The following CHST9 variants were observed in gnomAD, a reference collection of about 807,000 sequenced individuals.
The protein encoded by CHST9 is carbohydrate sulfotransferase 9, also known as GalNAc-4-sulfotransferase 2.
In CHST9, 41 loss-of-function variants were observed where a neutral mutation model predicts 44.4. That is an observed-to-expected ratio of 0.92 (90% CI 0.72 to 1.20). The LOEUF (loss-of-function observed/expected upper bound fraction) is 1.20. CHST9 is among the 50% of genes most tolerant of loss of function. CHST9 has a pLI of 0.00. For synonymous variants in CHST9, 171 were observed against 178.4 expected, an observed-to-expected ratio of 0.96 and a Z score of 0.33; for missense variants, 504 against 516.5, an observed-to-expected ratio of 0.98 and a Z score of 0.23.
chr18:27,106,898 C>A (rs569197220), intron 2 of CHST9, among the ~76,000 whole-genome samples: 2 of 152,174 alleles, frequency 1.3e-5, no homozygotes, highest in South Asian at 4.1e-4. Flanking sequence ...GAAAATAATC[C>A]TAGCACTTTG....
intron 2 of CHST9, among the ~76,000 whole-genome samples, chr18:27,117,712 C>T (rs1377806880): frequency 6.6e-6 from 1 of 152,156 alleles, no homozygotes; most frequent in Non-Finnish European, 1.5e-5. Context: ...CATGTCTTTT[C>T]ATGGCATGAC....
intron 2 of CHST9, among the ~76,000 whole-genome samples, chr18:27,101,258 A>G (rs1187841869): frequency 6.6e-6 from 1 of 152,212 alleles, no homozygotes; most frequent in African/African-American, 2.4e-5. Flanking sequence ...AAAAATATAT[A>G]TAATTTTTTT....
At chr18:27,024,496 G>A (rs2057262069) in intron 3 of CHST9, among the ~76,000 whole-genome samples, 1 of 152,188 alleles carries the variant, frequency 6.6e-6, no homozygotes, top group Admixed American at 6.5e-5. Context: ...AATTTCCTTT[G>A]ATTCTCAGCA....
At chr18:26,952,865 C>T (rs1251020521) in intron 4 of CHST9, among the ~76,000 whole-genome samples, 4 of 152,070 alleles carry the variant, frequency 2.6e-5, no homozygotes, top group African/African-American at 9.7e-5. Flanking sequence ...AACTGCAGTG[C>T]CTCCTGAGAA....
At chr18:27,092,062 A>G (rs2058074384) in intron 2 of CHST9, among the ~76,000 whole-genome samples, 1 of 152,162 alleles carries the variant, frequency 6.6e-6, no homozygotes, top group Admixed American at 6.5e-5. Context: ...TCAGCTATGA[A>G]TCTGTCGTCC....
intron 2 of CHST9, among the ~76,000 whole-genome samples, chr18:27,071,577 T>C (rs1234339349): frequency 6.6e-6 from 1 of 152,230 alleles, no homozygotes; most frequent in Non-Finnish European, 1.5e-5. Context: ...AGGTGCTCAA[T>C]AAATATATTG....
chr18:26,959,916 G>A (rs929612942), intron 4 of CHST9, among the ~76,000 whole-genome samples: 8 of 152,022 alleles, frequency 5.3e-5, no homozygotes, highest in African/African-American at 1.9e-4. Context: ...AGGGCACATT[G>A]TATGAGTAAA....
At chr18:27,155,811 C>A (rs1217147612) in intron 1 of CHST9, among the ~76,000 whole-genome samples, 1 of 151,916 alleles carries the variant, frequency 6.6e-6, no homozygotes, top group African/African-American at 2.4e-5. Flanking sequence ...ATACAATAAT[C>A]CAAGCATGAT....
At chr18:27,065,277 T>C (rs935517345) in intron 2 of CHST9, among the ~76,000 whole-genome samples, 3 of 152,198 alleles carry the variant, frequency 2.0e-5, no homozygotes, top group South Asian at 2.1e-4. Context: ...ATTTTAGACC[T>C]CATTTTTTTA....
chr18:27,142,693 A>G lies in CHST9; in HGVS notation c.117T>C (p.His39=), dbSNP rs2058577817. The G allele has an allele frequency of 6.2e-7, 1 of 1,603,108 alleles. No individual in the cohort carries two copies. Among genetic ancestry groups the G allele is most frequent in the Admixed American group, 1.7e-5 (1 of 58,292 alleles). The change falls in exon 2 of 6, where the codon CAT becomes CAC. Residue 39 remains histidine, a synonymous_variant. Transcript: ENST00000618847. ...MYLQVWIEEQ[H]TGRVEKRREQ... ...AAGAAAAAGCACATGTGTTACCTGT[A>G]TGTTGTTCTTCAATCCAGACTTGCA...
chr18:27,149,481 G>A (rs1598759102), intron 1 of CHST9, among the ~76,000 whole-genome samples: 1 of 152,084 alleles, frequency 6.6e-6, no homozygotes, highest in African/African-American at 2.4e-5. Flanking sequence ...CTTTGCTATT[G>A]TGAATAGTGT....
At chr18:27,014,264 T>C (rs2057119736) in intron 4 of CHST9, among the ~76,000 whole-genome samples, 1 of 151,932 alleles carries the variant, frequency 6.6e-6, no homozygotes, top group African/African-American at 2.4e-5. Context: ...TCCATGTTGA[T>C]ATCAACTAGC....
intron 2 of CHST9, among the ~76,000 whole-genome samples, chr18:27,093,248 A>G (rs946597691): frequency 6.6e-6 from 1 of 152,184 alleles, no homozygotes; most frequent in Non-Finnish European, 1.5e-5. Context: ...GAGCTCAAAC[A>G]CTGTGCTGGG....
intron 1 of CHST9, among the ~76,000 whole-genome samples, chr18:27,181,442 G>C (rs2058911570): frequency 6.6e-6 from 1 of 152,176 alleles, no homozygotes; most frequent in African/African-American, 2.4e-5. Context: ...TTGATGAAAT[G>C]TGTTTTTGAT....
chr18:26,939,711 T>G (rs928023217), intron 5 of CHST9, among the ~76,000 whole-genome samples: 5 of 152,194 alleles, frequency 3.3e-5, no homozygotes, highest in Non-Finnish European at 5.9e-5. Context: ...ACTAGAGGCC[T>G]GATTCATTGC....
At chr18:27,150,798 T>C (rs2058653247) in intron 1 of CHST9, among the ~76,000 whole-genome samples, 1 of 152,212 alleles carries the variant, frequency 6.6e-6, no homozygotes, top group South Asian at 2.1e-4. Context: ...CCAACAGCTT[T>C]ACAAAATATT....
intron 5 of CHST9, among the ~76,000 whole-genome samples, chr18:26,939,775 T>A (rs888824445): frequency 3.9e-5 from 6 of 152,180 alleles, no homozygotes; most frequent in African/African-American, 1.4e-4. Flanking sequence ...TGGGGACTCG[T>A]GGGCAGGGCC....
At chr18:27,038,554 C>T (rs1317317306) in intron 3 of CHST9, among the ~76,000 whole-genome samples, 1 of 152,060 alleles carries the variant, frequency 6.6e-6, no homozygotes, top group African/African-American at 2.4e-5. Context: ...AAAAGAACTT[C>T]CAGCAAGGGC....
chr18:27,037,848 TTA>T (rs200858120), intron 3 of CHST9, among the ~76,000 whole-genome samples: 33 of 129,180 alleles, frequency 2.6e-4, no homozygotes, highest in East Asian at 7.7e-4. Flanking sequence ...TTTTTTTTTT[TTA>T]AATTTTTACA....
Sources: allele counts gnomAD v4.1 joint callset (sites outside exome capture counted in the v4.1 genomes callset), GRCh38; gene constraint gnomAD v4.1.1; transcripts MANE v1.5; gene names NCBI Gene and HGNC (gene_info 2026-07-23, HGNC 2026-07-21).